The following TRIM36 variants were observed in gnomAD, a reference collection of about 807,000 sequenced individuals.
The protein encoded by TRIM36 is tripartite motif containing 36, also known as E3 ubiquitin-protein ligase TRIM36.
Under a neutral mutation model 72.4 loss-of-function variants are expected in TRIM36, and 42 were observed. That is an observed-to-expected ratio of 0.58 (90% confidence interval 0.45 to 0.75). The LOEUF (loss-of-function observed/expected upper bound fraction) is 0.75, where lower values mean the gene tolerates loss of function less well. TRIM36 is among the 30% of genes least tolerant of loss of function. The probability of loss-of-function intolerance (pLI) is 0.00; values close to 1 mark genes in which losing one functional copy is unlikely to be tolerated. For missense variants in TRIM36, 913 were observed against 857.1 expected (o/e 1.07, Z -0.81); for synonymous variants, 315 against 282.8 (o/e 1.11, Z -1.14).
intron 2 of TRIM36, among the ~76,000 whole-genome samples, chr5:115,153,482 A>G (rs1754003835): frequency 6.6e-6 from 1 of 152,172 alleles, no homozygotes; most frequent in Non-Finnish European, 1.5e-5. Context: ...CAGGTCATCA[A>G]GAGAGAAAGC....
At chr5:115,144,782 G>A in intron 3 of TRIM36, 38 bp from the exon 4 acceptor site, 1 of 1,554,022 alleles carries the variant, frequency 6.4e-7, no homozygotes, top group Non-Finnish European at 8.7e-7. Context: ...TAAGGATCTA[G>A]GTTTCAAGTA....
chr5:115,137,184 C>G (rs755830380), intron 6 of TRIM36, 60 bp from the exon 7 acceptor site: 3 of 1,511,344 alleles, frequency 2.0e-6, no homozygotes, highest in East Asian at 2.3e-5. Context: ...GACTAAATAT[C>G]TGCAACATGA....
At chr5:115,128,000 G>T (rs761702190) in intron 9 of TRIM36, among the ~76,000 whole-genome samples, 5 of 150,618 alleles carry the variant, frequency 3.3e-5, no homozygotes, top group Non-Finnish European at 7.4e-5. Flanking sequence ...TATTATGTTT[G>T]TGTCTTCATT....
intron 1 of TRIM36, chr5:115,177,988 C>T (rs1755422373): frequency 1.8e-5 from 19 of 1,082,132 alleles, no homozygotes; most frequent in South Asian, 2.9e-5. Flanking sequence ...CATTGGTATT[C>T]TGAGAGGGTT....
At chr5:115,176,863 T>G (rs1009735285) in intron 1 of TRIM36, among the ~76,000 whole-genome samples, 8 of 152,224 alleles carry the variant, frequency 5.3e-5, no homozygotes, top group African/African-American at 1.9e-4. Context: ...TCACTGCTAG[T>G]GAAATGTAAG....
chr5:115,180,110 T>C, exon 1 of TRIM36: 1 of 1,498,018 alleles, frequency 6.7e-7, no homozygotes. Flanking sequence ...TCTCTTTTTC[T>C]GTTTTTAGTC....
At chr5:115,178,971 T>G (rs1755474946) in intron 1 of TRIM36, among the ~76,000 whole-genome samples, 1 of 151,990 alleles carries the variant, frequency 6.6e-6, no homozygotes, top group African/African-American at 2.4e-5. Context: ...GACTGCAGGG[T>G]TTCAGGTGCT....
intron 2 of TRIM36, among the ~76,000 whole-genome samples, chr5:115,147,637 CACATAGAATCCATATTAAATCAA>C (rs531514386): frequency 7.6e-4 from 115 of 152,150 alleles, no homozygotes; most frequent in African/African-American, 2.8e-3. Context: ...ACAGTAAACC[CACATAGAATCCATATTAAATCAA>C]ACATAGATAT....
Position 115,129,821 on chromosome 5 carries a change from C to A in TRIM36, c.1796+771G>T, listed in dbSNP as rs866853146. Among the ~76,000 whole-genome samples the A allele has an allele frequency of 2.8e-3, 418 of 151,926 alleles. 5 individuals are homozygous for A. Among genetic ancestry groups the A allele is most frequent in the African/African-American group, 9.4e-3 (389 of 41,446 alleles). On this transcript the variant is annotated intron_variant, in intron 9 of 9. Transcript: ENST00000513154. ...ATGTTCCCCATTTTTTTCAATATGC[C>A]TATGTTGCTTTTTATATATTTTGGA...
At chr5:115,163,468 T>C in intron 2 of TRIM36, 50 bp downstream of exon 2, 2 of 1,480,452 alleles carry the variant, frequency 1.4e-6, no homozygotes, top group Non-Finnish European at 1.9e-6. Context: ...TGAATATATA[T>C]CTATAAGCTT....
intron 2 of TRIM36, chr5:115,153,771 G>A (rs1754019227): frequency 6.6e-6 from 1 of 152,262 alleles, no homozygotes; most frequent in African/African-American, 2.4e-5. Flanking sequence ...CTCCCAAAGT[G>A]CCGGGCCACC....
At chr5:115,170,031 G>A (rs560275066), upstream of TRIM36, 15 of 996,076 alleles carry the variant, frequency 1.5e-5, no homozygotes, top group South Asian at 3.1e-4. Context: ...GCCTGGGGCT[G>A]GTAGGCCGGG....
chr5:115,179,375 C>G (rs1030779271), intron 1 of TRIM36, among the ~76,000 whole-genome samples: 2 of 152,224 alleles, frequency 1.3e-5, no homozygotes, highest in Non-Finnish European at 2.9e-5. Context: ...ATCTTCCCCT[C>G]CCTACCAAAA....
intron 4 of TRIM36, among the ~76,000 whole-genome samples, chr5:115,143,727 G>A (rs564593291): frequency 1.4e-4 from 22 of 152,138 alleles, no homozygotes; most frequent in Non-Finnish European, 2.5e-4. Context: ...TAGGTACATA[G>A]ATGATTTCTT....
At position 115,145,547 on chromosome 5, in the gene TRIM36, G is replaced by A. The variant is rs142232812; in HGVS notation, c.589-803C>T. Among the ~76,000 whole-genome samples, 1,348 of 143,216 alleles carry A rather than the reference G, an allele frequency of 9.4e-3. 19 individuals carry two copies. Among genetic ancestry groups the A allele is most frequent in the African/African-American group, 0.039 (1,300 of 33,094 alleles). The allele number at this position is 143,216 out of a possible 152,430, so 94.0% of individuals were successfully genotyped here. A position where few individuals can be genotyped will look rare whatever the true frequency, so the allele number is the denominator to read the frequency against. ...TATTTATTTATTTATTTATTTTTGAGACAGAGTCTCGCTCTGTCGCCCAGG... is the reference window on the plus strand; with the variant it reads ...TATTTATTTATTTATTTATTTTTGAAACAGAGTCTCGCTCTGTCGCCCAGG... On this transcript the variant is annotated intron_variant, in intron 3 of 9. Transcript: ENST00000513154.
chr5:115,137,270 C>T, intron 6 of TRIM36, 93 bp downstream of exon 6: 1 of 1,503,864 alleles, frequency 6.6e-7, no homozygotes, highest in African/African-American at 1.4e-5. Context: ...ATTAACACAG[C>T]ATTATGGACC....
intron 7 of TRIM36, among the ~76,000 whole-genome samples, chr5:115,136,099 C>T (rs1752951404): frequency 6.6e-6 from 1 of 151,856 alleles, no homozygotes; most frequent in Non-Finnish European, 1.5e-5. Flanking sequence ...TTGCATCCTT[C>T]CCCAGTCCCC....
chr5:115,150,843 T>A (rs1417302577), intron 2 of TRIM36, among the ~76,000 whole-genome samples: 1 of 151,828 alleles, frequency 6.6e-6, no homozygotes, highest in African/African-American at 2.4e-5. Flanking sequence ...GAGAGCTGAG[T>A]GAAATACAAG....
chr5:115,179,041 T>C (rs4705522), intron 1 of TRIM36, among the ~76,000 whole-genome samples: 24,365 of 152,080 alleles, frequency 0.16, 3,126 homozygotes, highest in East Asian at 0.44. Flanking sequence ...AGTCGAGTGC[T>C]CCTTTGTGCC....
Sources: gnomAD v4.1 joint callset for allele counts (sites outside exome capture counted in the v4.1 genomes callset) on GRCh38, gnomAD v4.1.1 for gene constraint, MANE v1.5 for transcripts, NCBI Gene and HGNC (gene_info 2026-07-23, HGNC 2026-07-21) for gene names.